RBBP4: variants seen among roughly 807,000 people sequenced by gnomAD.
The protein encoded by RBBP4 is histone-binding protein RBBP4.
Under a neutral mutation model 57.2 loss-of-function variants are expected in RBBP4, and 3 were observed. The observed-to-expected ratio is 0.05, with a 90% confidence interval of 0.02 to 0.14. The LOEUF (loss-of-function observed/expected upper bound fraction) is 0.14, where lower values mean the gene tolerates loss of function less well. RBBP4 is among the 10% of genes least tolerant of loss of function. The probability of loss-of-function intolerance (pLI) is 1.00; values close to 1 mark genes in which losing one functional copy is unlikely to be tolerated. For missense variants in RBBP4, 107 were observed against 520.6 expected, an observed-to-expected ratio of 0.21 and a Z score of 7.73; for synonymous variants, 151 against 171.5, an observed-to-expected ratio of 0.88 and a Z score of 0.93.
chr1:32,668,207 CAATT>C lies in RBBP4; in HGVS notation c.311-13_311-10del, dbSNP rs1648738200. On this transcript the variant is annotated splice_polypyrimidine_tract_variant and intron_variant, in intron 3 of 11. Transcript: ENST00000373493. ...GTAGCTCTTGTTTTGTCCTCATTTG[CAATT>C]AATTTATTCACAGAATTTGGAGGTT... The C allele has an allele frequency of 3.7e-6, 6 of 1,603,682 alleles. No individual in the cohort carries two copies. Among genetic ancestry groups the C allele is most frequent in the Non-Finnish European group, 5.1e-6 (6 of 1,173,124 alleles).
At chr1:32,665,571 A>G (rs562785051) in intron 3 of RBBP4, among the ~76,000 whole-genome samples, 169 of 151,280 alleles carry the variant, frequency 1.1e-3, no homozygotes, top group Non-Finnish European at 2.3e-3. Context: ...CCAGCTACTC[A>G]GGGGGCTGAG....
In RBBP4 at chr1:32,684,021, G is replaced by T. The variant is rs373681116; in HGVS notation, c.*4316G>T. The T allele has an allele frequency of 6.2e-7, 1 of 1,614,104 alleles. No individual in the cohort carries two copies. On this transcript the variant is annotated 3_prime_UTR_variant, in exon 12 of 12. Transcript: ENST00000373493. ...TTCACAAAGATCACCTTGAGACTGT[G>T]TCTCCATTCCACCTGCCTGAGAAGT...
At chr1:32,673,293 T>C (rs1648951177) in intron 11 of RBBP4, among the ~76,000 whole-genome samples, 1 of 152,198 alleles carries the variant, frequency 6.6e-6, no homozygotes, top group Non-Finnish European at 1.5e-5. Flanking sequence ...TCCCATCTTA[T>C]CATCTTACAA....
In RBBP4 at chr1:32,680,376, T is replaced by TTTA; in HGVS notation, c.*671_*672insTTA. ...TTGTTGGTTTTTTTTTTTTTTTTTT[T>TTTA]AACTTGGGACCACCAAGTTGTAAAG... On this transcript the variant is annotated 3_prime_UTR_variant, in exon 12 of 12. Transcript: ENST00000373493. The TTTA allele has an allele frequency of 8.9e-7, 1 of 1,129,094 alleles. No homozygotes were observed. Among genetic ancestry groups the TTTA allele is most frequent in the Non-Finnish European group, 1.1e-6 (1 of 911,540 alleles). 69.9% of individuals were successfully genotyped at this position (1,129,094 alleles called of 1,614,324 possible).
intron 1 of RBBP4, chr1:32,651,584 C>T (rs1391598711): frequency 8.9e-6 from 9 of 1,013,480 alleles, no homozygotes; most frequent in Admixed American, 3.6e-5. Context: ...GGTTTCTCGG[C>T]CTCTGTCCCG....
intron 3 of RBBP4, among the ~76,000 whole-genome samples, chr1:32,666,034 T>G (rs1160020797): frequency 6.6e-6 from 1 of 152,250 alleles, no homozygotes; most frequent in African/African-American, 2.4e-5. Flanking sequence ...AGTAGTCATG[T>G]GTGAATAAAA....
chr1:32,659,169 A>G (rs1648291832), intron 3 of RBBP4, among the ~76,000 whole-genome samples: 1 of 149,184 alleles, frequency 6.7e-6, no homozygotes, highest in African/African-American at 2.4e-5. Context: ...AATTTTACAC[A>G]CACACAATAT....
chr1:32,663,371 C>G (rs926927533), intron 3 of RBBP4, among the ~76,000 whole-genome samples: 4 of 152,156 alleles, frequency 2.6e-5, no homozygotes, highest in Non-Finnish European at 4.4e-5. Context: ...TTCAGCCTTT[C>G]TTTTCTACTT....
chr1:32,680,244 A>G lies in RBBP4; in HGVS notation c.*539A>G, dbSNP rs1649339003. On this transcript the variant is annotated 3_prime_UTR_variant, in exon 12 of 12. Transcript: ENST00000373493. ...GTTTCTTCAGTTAAGTCAAAACAAC[A>G]CGTTCCTCTTTCCCCATATATTCAT... The G allele has an allele frequency of 1.3e-5, 15 of 1,173,140 alleles. No homozygotes were observed. Among genetic ancestry groups the G allele is most frequent in the Non-Finnish European group, 1.6e-5 (15 of 949,284 alleles). 72.7% of individuals were successfully genotyped at this position (1,173,140 alleles called of 1,614,324 possible). A position where few individuals can be genotyped will look rare whatever the true frequency, so the allele number is the denominator to read the frequency against.
In RBBP4 at chr1:32,668,863, C is replaced by G. The variant is rs760741172; in HGVS notation, c.600+9C>G. 1.2e-6 allele frequency: 2 copies of G among 1,613,522 alleles called. No homozygotes were observed. Among genetic ancestry groups the G allele is most frequent in the South Asian group, 2.2e-5 (2 of 91,064 alleles). ...GTGCTTCAGATGACCATGTGTGTAT[C>G]CTTCCCATTTTGAAGCAAATCTGGG... On this transcript the variant is annotated intron_variant, in intron 5 of 11. Transcript: ENST00000373493.
intron 3 of RBBP4, among the ~76,000 whole-genome samples, chr1:32,661,179 T>C (rs1648389323): frequency 6.6e-6 from 1 of 152,212 alleles, no homozygotes; most frequent in African/African-American, 2.4e-5. Flanking sequence ...TCTTTGGTAT[T>C]GTGAATAATG....
At chr1:32,666,362 AT>A (rs66778777) in intron 3 of RBBP4, among the ~76,000 whole-genome samples, 119,046 of 139,974 alleles carry the variant, frequency 0.85, 51,477 homozygotes, top group Non-Finnish European at 0.95. Context: ...TGAAAACTTT[AT>A]TTTTTTTTTT....
chr1:32,685,175 A>G lies in RBBP4; in HGVS notation c.*5470A>G, dbSNP rs907421579. ...TATCCTTTTTTCATTACACAAAAAG[A>G]CTGAATTTGGTTAGTTCTAAGTTGG... On this transcript the variant is annotated 3_prime_UTR_variant, in exon 12 of 12. Coordinates refer to ENST00000373493, the MANE Select transcript of RBBP4 (RefSeq NM_005610.3). The G allele has an allele frequency of 6.6e-6, 1 of 152,168 alleles. No individual in the cohort carries two copies. Among genetic ancestry groups the G allele is most frequent in the African/African-American group, 2.4e-5 (1 of 41,428 alleles). The allele number at this position is 152,168 out of a possible 1,614,324, so 9.4% of individuals were successfully genotyped here.
At chr1:32,656,100 C>G (rs1032200628) in intron 2 of RBBP4, among the ~76,000 whole-genome samples, 1 of 152,210 alleles carries the variant, frequency 6.6e-6, no homozygotes. Flanking sequence ...ACTGTGCTTT[C>G]CCATATCAGA....
chr1:32,678,373 C>A (rs1002395627), intron 11 of RBBP4, among the ~76,000 whole-genome samples: 2 of 151,558 alleles, frequency 1.3e-5, no homozygotes, highest in Non-Finnish European at 2.9e-5. Flanking sequence ...ATTACAGGCG[C>A]CTGTCACCAC....
intron 3 of RBBP4, among the ~76,000 whole-genome samples, chr1:32,666,452 A>G (rs922429873): frequency 2.6e-5 from 4 of 151,354 alleles, no homozygotes; most frequent in African/African-American, 9.7e-5. Context: ...TCCGCCTCCC[A>G]GGTTCAAGCA....
rs1557861173 is a variant in RBBP4 at position 32,676,632 on chromosome 1, A to G, written c.1213-3008A>G. Among the ~76,000 whole-genome samples the G allele has an allele frequency of 0.039, 258 of 6,572 alleles. 6 individuals are homozygous for G. In the Middle Eastern group the frequency reaches 0.55, roughly 14 times the overall value. The allele number at this position is 6,572 out of a possible 152,430, so 4.3% of individuals were successfully genotyped here. On this transcript the variant is annotated intron_variant, in intron 11 of 11. Transcript: ENST00000373493. ...CATCTCAAAAAAAAAAAAAAAAGAA[A>G]AAGAAAAGCTGTTTGCTAAAATGTG...
At chr1:32,667,635 C>T (rs995266874) in intron 3 of RBBP4, among the ~76,000 whole-genome samples, 5 of 152,148 alleles carry the variant, frequency 3.3e-5, no homozygotes, top group South Asian at 2.1e-4. Flanking sequence ...CGCTAAGCCC[C>T]GTAGGGCTGG....
At chr1:32,677,691 TAG>T (rs1649163826) in intron 11 of RBBP4, among the ~76,000 whole-genome samples, 1 of 84,756 alleles carries the variant, frequency 1.2e-5, no homozygotes, top group Admixed American at 1.5e-4. Context: ...TAACTTCAGA[TAG>T]TGTCAGAATA....
Sources: allele counts gnomAD v4.1 joint callset (sites outside exome capture counted in the v4.1 genomes callset), GRCh38; gene constraint gnomAD v4.1.1; transcripts MANE v1.5; gene names NCBI Gene and HGNC (gene_info 2026-07-23, HGNC 2026-07-21).